The following ARMC2 variants were observed in gnomAD, a reference collection of about 807,000 sequenced individuals.
ARMC2 encodes the protein armadillo repeat-containing protein 2.
ARMC2 carries 67 observed loss-of-function variants against 90.3 expected under a neutral mutation model. That is an observed-to-expected ratio of 0.74 (90% CI 0.61 to 0.91). ARMC2 has a LOEUF of 0.91. ARMC2 is among the 40% of genes least tolerant of loss of function. The pLI is 0.00. For missense variants in ARMC2, 920 were observed against 1,030.9 expected, an observed-to-expected ratio of 0.89 and a Z score of 1.47; for synonymous variants, 393 against 393.0, an observed-to-expected ratio of 1.00 and a Z score of 0.00.
At chr6:108,870,496 AAAG>A (rs1341271600) in intron 4 of ARMC2, among the ~76,000 whole-genome samples, 3 of 150,398 alleles carry the variant, frequency 2.0e-5, no homozygotes, top group Admixed American at 6.6e-5. Context: ...AAAAAGAAAG[AAAG>A]AGAGAGAGAA....
At chr6:108,919,181 G>A (rs945538148) in intron 10 of ARMC2, among the ~76,000 whole-genome samples, 1 of 152,164 alleles carries the variant, frequency 6.6e-6, no homozygotes, top group Non-Finnish European at 1.5e-5. Flanking sequence ...AGTGACTTAA[G>A]TTATTATTAG....
the ARMC2 span, among the ~76,000 whole-genome samples, chr6:109,017,211 A>G: frequency 9.2e-5 from 14 of 152,164 alleles, no homozygotes; most frequent in Non-Finnish European, 1.8e-4. Context: ...TATTTTACCA[A>G]TTAACAGAAA....
chr6:108,944,956 T>C (rs1376467049), intron 12 of ARMC2, among the ~76,000 whole-genome samples: 1 of 152,160 alleles, frequency 6.6e-6, no homozygotes, highest in Non-Finnish European at 1.5e-5. Context: ...ATGCAACTAG[T>C]AACTCCAGTT....
At chr6:108,854,566 C>T (rs1294460375) in intron 2 of ARMC2, 81 bp downstream of exon 2, 26 of 1,373,586 alleles carry the variant, frequency 1.9e-5, no homozygotes, top group Non-Finnish European at 2.4e-5. Flanking sequence ...TTAAGGTTAG[C>T]TTTTAAAAAT....
At chr6:109,024,977 C>T in the ARMC2 span, among the ~76,000 whole-genome samples, 1 of 152,062 alleles carries the variant, frequency 6.6e-6, no homozygotes, top group Non-Finnish European at 1.5e-5. Context: ...CAAAACCCAC[C>T]GACAGGAGGA....
intron 13 of ARMC2, among the ~76,000 whole-genome samples, chr6:108,957,392 A>G (rs1049445230): frequency 6.6e-6 from 1 of 152,162 alleles, no homozygotes; most frequent in African/African-American, 2.4e-5. Flanking sequence ...ACCACATTCC[A>G]GGAAAGGCCT....
intron 11 of ARMC2, among the ~76,000 whole-genome samples, chr6:108,935,855 A>T (rs977751360): frequency 2.6e-5 from 4 of 152,168 alleles, no homozygotes; most frequent in African/African-American, 7.2e-5. Flanking sequence ...TTTCCAAAAA[A>T]AAGGTTTTTT....
chr6:109,020,189 T>C, the ARMC2 span, among the ~76,000 whole-genome samples: 1 of 152,210 alleles, frequency 6.6e-6, no homozygotes, highest in Non-Finnish European at 1.5e-5. Context: ...CTTCTTTTTT[T>C]CTTTTTTTTA....
intron 4 of ARMC2, among the ~76,000 whole-genome samples, chr6:108,871,851 G>T (rs1236621615): frequency 6.6e-6 from 1 of 152,144 alleles, no homozygotes; most frequent in Non-Finnish European, 1.5e-5. Flanking sequence ...TTTCATCGTG[G>T]TTCTTTTATC....
At chr6:108,919,322 C>T (rs1774306771) in intron 10 of ARMC2, among the ~76,000 whole-genome samples, 3 of 152,142 alleles carry the variant, frequency 2.0e-5, no homozygotes, top group Admixed American at 2.0e-4. Flanking sequence ...TGTACTTATG[C>T]TGGAAATTAT....
intron 5 of ARMC2, among the ~76,000 whole-genome samples, chr6:108,892,230 A>G (rs1771145060): frequency 6.6e-6 from 1 of 152,030 alleles, no homozygotes; most frequent in South Asian, 2.1e-4. Context: ...TTGGCTCCAC[A>G]CCCTGACAAA....
chr6:108,863,000 C>T (rs1027304713), intron 3 of ARMC2, among the ~76,000 whole-genome samples: 2 of 152,164 alleles, frequency 1.3e-5, no homozygotes, highest in Non-Finnish European at 2.9e-5. Context: ...ATGGGCTGCC[C>T]ACACTCAGGA....
At chr6:108,875,053 A>C (rs774881021) in intron 4 of ARMC2, among the ~76,000 whole-genome samples, 6 of 152,148 alleles carry the variant, frequency 3.9e-5, no homozygotes, top group Non-Finnish European at 7.4e-5. Context: ...TTCTACATGC[A>C]GCTCATCCCC....
the ARMC2 span, among the ~76,000 whole-genome samples, chr6:109,031,431 C>T: frequency 6.6e-6 from 1 of 152,172 alleles, no homozygotes; most frequent in Non-Finnish European, 1.5e-5. Context: ...CACCAAACTT[C>T]ACAGTCCACC....
the ARMC2 span, among the ~76,000 whole-genome samples, chr6:109,022,411 C>CTTTTTTT: frequency 1.4e-4 from 9 of 65,878 alleles, no homozygotes; most frequent in East Asian, 5.1e-4. Flanking sequence ...TGTTCTAAAG[C>CTTTTTTT]TTTTTTTTTT....
the ARMC2 span, among the ~76,000 whole-genome samples, chr6:109,016,098 A>G: frequency 2.6e-5 from 4 of 152,336 alleles, no homozygotes; most frequent in South Asian, 2.1e-4. Context: ...CCATTTAACC[A>G]TAGGATTTTT....
chr6:108,940,597 G>A (rs900316905), intron 12 of ARMC2, among the ~76,000 whole-genome samples: 1 of 152,146 alleles, frequency 6.6e-6, no homozygotes, highest in East Asian at 1.9e-4. Flanking sequence ...AAAGAGAAGG[G>A]AAGATGGAGC....
the ARMC2 span, among the ~76,000 whole-genome samples, chr6:109,013,272 G>A: frequency 6.6e-6 from 1 of 152,234 alleles, no homozygotes; most frequent in East Asian, 1.9e-4. Flanking sequence ...CAAAACTAGG[G>A]GCAAGGAGAT....
At chr6:108,978,764 CTT>C (rs1779033612), downstream of ARMC2, among the ~76,000 whole-genome samples, 1 of 151,580 alleles carries the variant, frequency 6.6e-6, no homozygotes, top group Non-Finnish European at 1.5e-5. Flanking sequence ...TTCTTTGTCT[CTT>C]TTGTTCTGTA....
Sources: gnomAD v4.1 joint callset for allele counts (sites outside exome capture counted in the v4.1 genomes callset) on GRCh38, gnomAD v4.1.1 for gene constraint, MANE v1.5 for transcripts, NCBI Gene and HGNC (gene_info 2026-07-23, HGNC 2026-07-21) for gene names.